The following MSRB3 variants were observed in gnomAD, a reference collection of about 807,000 sequenced individuals.
MSRB3 encodes methionine sulfoxide reductase B3.
Under a neutral mutation model 21.0 loss-of-function variants are expected in MSRB3, and 13 were observed. That is an observed-to-expected ratio of 0.62 (90% CI 0.40 to 0.98). The LOEUF (loss-of-function observed/expected upper bound fraction) is 0.98. MSRB3 is among the 50% of genes least tolerant of loss of function. The probability of loss-of-function intolerance (pLI) is 0.00; values close to 1 mark genes in which losing one functional copy is unlikely to be tolerated. For synonymous variants in MSRB3, 87 were observed against 88.6 expected, an observed-to-expected ratio of 0.98 and a Z score of 0.10; for missense variants, 199 against 230.3, an observed-to-expected ratio of 0.86 and a Z score of 0.88.
chr12:65,431,889 T>C (rs1436980106), intron 5 of MSRB3, among the ~76,000 whole-genome samples: 1 of 152,108 alleles, frequency 6.6e-6, no homozygotes, highest in Admixed American at 6.6e-5. Context: ...GATGTGCTAT[T>C]TGGCTACATT....
intron 5 of MSRB3, among the ~76,000 whole-genome samples, chr12:65,435,826 T>C (rs969289289): frequency 6.6e-6 from 1 of 151,896 alleles, no homozygotes; most frequent in Admixed American, 6.6e-5. Flanking sequence ...ACCCAAGGTC[T>C]GTGAACCCTG....
chr12:65,289,735 T>A (rs1468204477), intron 1 of MSRB3, among the ~76,000 whole-genome samples: 1 of 152,180 alleles, frequency 6.6e-6, no homozygotes, highest in African/African-American at 2.4e-5. Flanking sequence ...TGTCGATTGT[T>A]CCTTTCTTTA....
chr12:65,351,928 A>G (rs1877030088), intron 4 of MSRB3, among the ~76,000 whole-genome samples: 1 of 152,180 alleles, frequency 6.6e-6, no homozygotes, highest in South Asian at 2.1e-4. Flanking sequence ...ATTCCAATCT[A>G]TAGAAAAAGA....
chr12:65,392,318 T>C (rs1879524944), intron 5 of MSRB3, among the ~76,000 whole-genome samples: 1 of 152,180 alleles, frequency 6.6e-6, no homozygotes, highest in Non-Finnish European at 1.5e-5. Context: ...ATAGTGGATG[T>C]CTATTTTTTC....
At chr12:65,371,946 A>G (rs1415810659) in intron 5 of MSRB3, among the ~76,000 whole-genome samples, 1 of 152,206 alleles carries the variant, frequency 6.6e-6, no homozygotes, top group Non-Finnish European at 1.5e-5. Context: ...AGTAGAAAGT[A>G]TAGTGTGATT....
chr12:65,426,643 C>T (rs1246258419), intron 5 of MSRB3, among the ~76,000 whole-genome samples: 1 of 152,132 alleles, frequency 6.6e-6, no homozygotes, highest in Non-Finnish European at 1.5e-5. Flanking sequence ...CTTTCTGGCT[C>T]TTTGTCTCTT....
intron 5 of MSRB3, among the ~76,000 whole-genome samples, chr12:65,440,890 A>C (rs181789158): frequency 6.6e-6 from 1 of 151,890 alleles, no homozygotes; most frequent in African/African-American, 2.4e-5. Context: ...TTTAGTGCCT[A>C]CTCAGTACTA....
intron 5 of MSRB3, among the ~76,000 whole-genome samples, chr12:65,371,692 T>C (rs542387547): frequency 6.6e-6 from 1 of 152,126 alleles, no homozygotes; most frequent in Non-Finnish European, 1.5e-5. Flanking sequence ...ATTTTTAGTT[T>C]AGGTAAATGA....
Position 65,356,853 on chromosome 12 carries a change from C to T in MSRB3, c.264-12145C>T, listed in dbSNP as rs141908239. Reference sequence around the variant, plus strand: ...GTGGTTTAGTACAGATTTTCTGTCCCCAAGTTAAGTCAAGAAACATTTTAT... The same window carrying T: ...GTGGTTTAGTACAGATTTTCTGTCCTCAAGTTAAGTCAAGAAACATTTTAT... On this transcript the variant is annotated intron_variant, in intron 4 of 6. Transcript: ENST00000308259. 6.8e-3 allele frequency among the ~76,000 whole-genome samples: 1,027 copies of T among 151,834 alleles called. 7 individuals are homozygous for T. The highest frequency in any genetic ancestry group is 9.2e-3 in the Non-Finnish European group (625 of 67,864).
chr12:65,465,558 C>T lies in MSRB3; in HGVS notation c.*2236C>T, dbSNP rs1883530248. On this transcript the variant is annotated 3_prime_UTR_variant, in exon 7 of 7. Transcript: ENST00000308259. ...CCTACATGTCTCTCTCTACAAGCACCTCTCTAAGAAGCCTGACATCCCGGT... is the reference window on the plus strand; with the variant it reads ...CCTACATGTCTCTCTCTACAAGCACTTCTCTAAGAAGCCTGACATCCCGGT... 6.6e-6 allele frequency: 1 copy of T among 152,120 alleles called. No individual in the cohort carries two copies. Among genetic ancestry groups the T allele is most frequent in the African/African-American group, 2.4e-5 (1 of 41,408 alleles). The allele number at this position is 152,120 out of a possible 1,614,324, so 9.4% of individuals were successfully genotyped here.
intron 4 of MSRB3, among the ~76,000 whole-genome samples, chr12:65,361,240 C>T (rs775655309): frequency 5.3e-5 from 8 of 152,014 alleles, no homozygotes; most frequent in Non-Finnish European, 8.8e-5. Flanking sequence ...TTTATGGTAT[C>T]GTCTCATTTA....
chr12:65,381,697 G>T (rs1178578423), intron 5 of MSRB3, among the ~76,000 whole-genome samples: 1 of 151,824 alleles, frequency 6.6e-6, no homozygotes, highest in Non-Finnish European at 1.5e-5. Flanking sequence ...AGGTTCTTTT[G>T]ATTTTTCATT....
intron 6 of MSRB3, 97 bp from the exon 7 acceptor site, chr12:65,463,058 C>A: frequency 7.0e-7 from 1 of 1,418,656 alleles, no homozygotes; most frequent in Non-Finnish European, 9.9e-7. Flanking sequence ...CTTCATTTCT[C>A]TACAGGCTGG....
chr12:65,439,454 A>G (rs1882271512), intron 5 of MSRB3, among the ~76,000 whole-genome samples: 1 of 151,646 alleles, frequency 6.6e-6, no homozygotes, highest in Admixed American at 6.6e-5. Flanking sequence ...TCTTTCAAAT[A>G]AAAAACATCT....
intron 4 of MSRB3, among the ~76,000 whole-genome samples, chr12:65,341,544 TAA>T (rs3080854): frequency 0.22 from 33,322 of 148,424 alleles, 4,457 homozygotes; most frequent in Admixed American, 0.34. Flanking sequence ...AATTGTACAT[TAA>T]AAAAAAAAAA....
At chr12:65,423,693 G>C (rs1051820668) in intron 5 of MSRB3, among the ~76,000 whole-genome samples, 3 of 152,024 alleles carry the variant, frequency 2.0e-5, no homozygotes, top group African/African-American at 7.2e-5. Flanking sequence ...AATCTCACTT[G>C]GTCATGATGA....
At chr12:65,295,778 A>G (rs544916344) in intron 1 of MSRB3, among the ~76,000 whole-genome samples, 39 of 152,328 alleles carry the variant, frequency 2.6e-4, no homozygotes, top group Non-Finnish European at 4.7e-4. Flanking sequence ...AAATGTTGCT[A>G]GCATTCTATA....
At chr12:65,453,245 T>C (rs1258337523) in intron 5 of MSRB3, among the ~76,000 whole-genome samples, 2 of 152,228 alleles carry the variant, frequency 1.3e-5, no homozygotes, top group Non-Finnish European at 2.9e-5. Flanking sequence ...ATAGTCGTTT[T>C]GTTAAACAAA....
At chr12:65,290,348 G>C (rs1398325735) in intron 1 of MSRB3, among the ~76,000 whole-genome samples, 1 of 152,170 alleles carries the variant, frequency 6.6e-6, no homozygotes, top group African/African-American at 2.4e-5. Flanking sequence ...CAGAGTCTGT[G>C]TTTGTAATCA....
Sources: allele counts gnomAD v4.1 joint callset (sites outside exome capture counted in the v4.1 genomes callset), GRCh38; gene constraint gnomAD v4.1.1; transcripts MANE v1.5; gene names NCBI Gene and HGNC (gene_info 2026-07-23, HGNC 2026-07-21).